Variants in KDM4C observed in about 807,000 individuals in gnomAD.
The protein encoded by KDM4C is lysine demethylase 4C.
KDM4C carries 81 observed loss-of-function variants against 129.3 expected under a neutral mutation model. That is an observed-to-expected ratio of 0.63 (90% CI 0.52 to 0.75). The LOEUF is 0.75. KDM4C is among the 30% of genes least tolerant of loss of function. KDM4C has a pLI of 0.00. For missense variants in KDM4C, 1,457 were observed against 1,304.0 expected, an observed-to-expected ratio of 1.12 and a Z score of -1.81; for synonymous variants, 573 against 456.1, an observed-to-expected ratio of 1.26 and a Z score of -3.26.
chr9:6,859,946 C>G (rs1451720138), intron 5 of KDM4C, among the ~76,000 whole-genome samples: 2 of 151,254 alleles, frequency 1.3e-5, no homozygotes, highest in African/African-American at 2.4e-5. Flanking sequence ...AGTTGGGATT[C>G]AGACTATTAA....
intron 1 of KDM4C, among the ~76,000 whole-genome samples, chr9:6,730,978 C>G (rs532080931): frequency 6.6e-6 from 1 of 152,192 alleles, no homozygotes; most frequent in Non-Finnish European, 1.5e-5. Flanking sequence ...CAAAAGGACT[C>G]AAATACAGAA....
intron 4 of KDM4C, among the ~76,000 whole-genome samples, chr9:6,849,247 A>G (rs955256376): frequency 6.6e-6 from 1 of 152,200 alleles, no homozygotes; most frequent in Non-Finnish European, 1.5e-5. Flanking sequence ...TTTCATTTCC[A>G]TTTGGCATCA....
At chr9:6,952,872 A>T (rs1163955092) in intron 8 of KDM4C, among the ~76,000 whole-genome samples, 1 of 152,208 alleles carries the variant, frequency 6.6e-6, no homozygotes, top group Non-Finnish European at 1.5e-5. Context: ...TCTTTATGAT[A>T]GTCCTTGTTA....
At chr9:7,008,383 A>C (rs1667655727) in intron 12 of KDM4C, among the ~76,000 whole-genome samples, 1 of 152,152 alleles carries the variant, frequency 6.6e-6, no homozygotes, top group Non-Finnish European at 1.5e-5. Flanking sequence ...GCACCCACGG[A>C]GCCAGCCTCC....
chr9:7,120,254 T>G (rs117337575), intron 18 of KDM4C, among the ~76,000 whole-genome samples: 2 of 152,272 alleles, frequency 1.3e-5, no homozygotes, highest in Non-Finnish European at 2.9e-5. Context: ...GCAGTCCAGG[T>G]ATTAGGAACA....
chr9:6,953,925 A>G (rs571991604), intron 8 of KDM4C, among the ~76,000 whole-genome samples: 34 of 152,282 alleles, frequency 2.2e-4, no homozygotes, highest in Non-Finnish European at 4.0e-4. Context: ...CTCCAAAGTC[A>G]CCACATACCT....
At chr9:6,769,265 A>G (rs943349699) in intron 1 of KDM4C, among the ~76,000 whole-genome samples, 2 of 152,056 alleles carry the variant, frequency 1.3e-5, no homozygotes, top group African/African-American at 4.8e-5. Context: ...TTTCTTAAAA[A>G]TTGATCAGAA....
intron 4 of KDM4C, among the ~76,000 whole-genome samples, chr9:6,849,181 T>C (rs1838385640): frequency 6.6e-6 from 1 of 152,200 alleles, no homozygotes; most frequent in Non-Finnish European, 1.5e-5. Context: ...TGCCGGATCA[T>C]CTACTTTGAA....
intron 1 of KDM4C, among the ~76,000 whole-genome samples, chr9:6,778,359 G>C (rs1023553067): frequency 2.6e-5 from 4 of 151,370 alleles, no homozygotes; most frequent in Admixed American, 6.6e-5. Flanking sequence ...CAAAGTCCTG[G>C]GATTATGGGC....
At chr9:6,980,081 G>C (rs1036216347) in intron 8 of KDM4C, among the ~76,000 whole-genome samples, 10 of 152,142 alleles carry the variant, frequency 6.6e-5, no homozygotes, top group African/African-American at 2.2e-4. Flanking sequence ...AAACTGTTCA[G>C]TCAGTCTGTT....
intron 19 of KDM4C, among the ~76,000 whole-genome samples, chr9:7,161,999 A>C (rs144877987): frequency 0.01 from 1,569 of 152,334 alleles, 11 homozygotes; most frequent in Non-Finnish European, 0.017. Flanking sequence ...ACTCCGAGCT[A>C]CCTTAACTTC....
At chr9:7,133,742 C>T (rs1196423890) in intron 19 of KDM4C, among the ~76,000 whole-genome samples, 1 of 152,146 alleles carries the variant, frequency 6.6e-6, no homozygotes, top group Non-Finnish European at 1.5e-5. Flanking sequence ...CAGTGTTGAG[C>T]CCCGCACAAG....
chr9:6,781,335 T>C (rs112206669), intron 1 of KDM4C, among the ~76,000 whole-genome samples: 252 of 152,358 alleles, frequency 1.7e-3, no homozygotes, highest in African/African-American at 5.9e-3. Flanking sequence ...TGTCACCCTC[T>C]GGTCAGAACA....
chr9:7,101,765 C>A (rs1202824855), intron 17 of KDM4C, among the ~76,000 whole-genome samples: 1 of 152,142 alleles, frequency 6.6e-6, no homozygotes, highest in Non-Finnish European at 1.5e-5. Context: ...ACAACACTGT[C>A]CTACTCTTAA....
At chr9:6,819,924 T>C (rs1343167400) in intron 4 of KDM4C, among the ~76,000 whole-genome samples, 2 of 152,198 alleles carry the variant, frequency 1.3e-5, no homozygotes, top group African/African-American at 4.8e-5. Context: ...AAACGAATTA[T>C]AGAGTCATCA....
intron 17 of KDM4C, among the ~76,000 whole-genome samples, chr9:7,085,776 C>T (rs1490515597): frequency 6.6e-6 from 1 of 152,136 alleles, no homozygotes; most frequent in East Asian, 1.9e-4. Flanking sequence ...TATGCGTTAA[C>T]CCCTCCTGAA....
intron 8 of KDM4C, among the ~76,000 whole-genome samples, chr9:6,935,202 CCT>C (rs540452720): frequency 5.0e-4 from 76 of 151,762 alleles, no homozygotes; most frequent in African/African-American, 1.8e-3. Context: ...ATTATTTTTT[CCT>C]CTCTCATCAT....
intron 17 of KDM4C, among the ~76,000 whole-genome samples, chr9:7,053,805 G>T (rs139481003): frequency 1.7e-4 from 26 of 152,248 alleles, no homozygotes; most frequent in African/African-American, 5.5e-4. Context: ...AATGCTACAG[G>T]TTGCTATCCA....
chr9:6,973,121 A>G (rs976956567), intron 8 of KDM4C, among the ~76,000 whole-genome samples: 9 of 152,234 alleles, frequency 5.9e-5, no homozygotes, highest in Non-Finnish European at 7.3e-5. Context: ...TTTGGCTGAA[A>G]AAGTATGTTT....
Sources: allele counts gnomAD v4.1 joint callset (sites outside exome capture counted in the v4.1 genomes callset), GRCh38; gene constraint gnomAD v4.1.1; transcripts MANE v1.5; gene names NCBI Gene and HGNC (gene_info 2026-07-23, HGNC 2026-07-21).